SPEG: variants seen among roughly 807,000 people sequenced by gnomAD.
SPEG encodes the protein striated muscle preferentially expressed protein kinase.
SPEG carries 114 observed loss-of-function variants against 300.4 expected under a neutral mutation model. The ratio of observed to expected loss-of-function variants is 0.38; its 90% CI spans 0.33 to 0.44. The LOEUF (loss-of-function observed/expected upper bound fraction) is 0.44. Ranked by LOEUF, SPEG falls within the 20% of genes least tolerant of loss-of-function variation. The pLI is 1.00. For synonymous variants in SPEG, 1,964 were observed against 2,018.9 expected (o/e 0.97, Z 0.73); for missense variants, 4,201 against 4,586.2 (o/e 0.92, Z 2.43).
Position 219,492,644 on chromosome 2 carries a change from C to A in SPEG, c.9662C>A (p.Ala3221Asp). The A allele has an allele frequency of 6.2e-7, 1 of 1,611,446 alleles. No homozygotes were observed. The highest frequency in any genetic ancestry group is 8.5e-7 in the Non-Finnish European group (1 of 1,180,012). ...DCLAHPWLQD[A>D]YLMKLRRQTL... Reference sequence around the variant, plus strand: ...CTGGCCCACCCATGGTTGCAGGACGCCTACCTGATGAAGCTGCGCCGCCAG... The same window carrying A: ...CTGGCCCACCCATGGTTGCAGGACGACTACCTGATGAAGCTGCGCCGCCAG... Residue 3221 changes from alanine (A) to aspartate (D), a missense_variant, in exon 41 of 41, where the codon GCC becomes GAC. By Grantham distance (126) the Ala-to-Asp change is moderately radical (BLOSUM62 -2). This residue lies in a region of SPEG where 318 missense variants were observed against 429.5 expected (regional missense o/e 0.74). Coordinates refer to ENST00000312358, the MANE Select transcript of SPEG (RefSeq NM_005876.5).
chr2:219,472,318 G>C lies in SPEG; in HGVS notation c.3927G>C (p.Leu1309=), dbSNP rs770033598. 1.5e-5 allele frequency: 25 copies of C among 1,613,680 alleles called. No individual in the cohort carries two copies. The South Asian group carries it at 2.4e-4, about 16-fold the overall frequency. ...VTLTWNPPRS[L]DMAIDPDSLT... is the part of the protein sequence containing the mutation. ...TCACATGGAACCCCCCCAGGAGTCT[G>C]GACATGGCCATCGGTGGGTCAGGGC... The change falls in exon 15 of 41, where the codon CTG becomes CTC. Residue 1309 remains leucine, a synonymous_variant. Coordinates refer to ENST00000312358, the MANE Select transcript of SPEG (RefSeq NM_005876.5).
chr2:219,472,822 G>A (rs1206642671), intron 15 of SPEG, 68 bp from the exon 16 acceptor site: 5 of 1,381,528 alleles, frequency 3.6e-6, no homozygotes, highest in African/African-American at 1.4e-5. Flanking sequence ...CCAGGGTCCC[G>A]GGCCAGCTGG....
intron 9 of SPEG, chr2:219,466,513 G>C (rs1317532924): frequency 1.2e-5 from 13 of 1,100,302 alleles, no homozygotes; most frequent in Non-Finnish European, 1.3e-5. Context: ...ATGGCATGGA[G>C]GGGCCCAAGG....
In SPEG at chr2:219,473,245, C is replaced by A. The variant is rs1219311364; in HGVS notation, c.4147+149C>A. ...GGACCTTGGCCCATCTGTACACTTC[C>A]TTCTCCCTCCTGAAAGCAGCAGGGC... On this transcript the variant is annotated intron_variant, in intron 16 of 40. Transcript: ENST00000312358. The surrounding 1 kb of genome is among the most constrained non-coding windows in gnomAD (Gnocchi z 4.6). 3 of 815,498 alleles carry A rather than the reference C, an allele frequency of 3.7e-6. No individual in the cohort carries two copies. Among genetic ancestry groups the A allele is most frequent in the Admixed American group, 5.2e-5 (2 of 38,426 alleles). 50.5% of individuals were successfully genotyped at this position (815,498 alleles called of 1,614,324 possible).
intron 1 of SPEG, among the ~76,000 whole-genome samples, chr2:219,440,683 A>G (rs1253652252): frequency 1.3e-5 from 2 of 152,052 alleles, no homozygotes; most frequent in African/African-American, 2.4e-5. Context: ...CCTCCTGGGC[A>G]TAAGTGATTC....
intron 1 of SPEG, among the ~76,000 whole-genome samples, chr2:219,438,433 G>T (rs959759955): frequency 3.9e-5 from 6 of 152,102 alleles, no homozygotes; most frequent in Non-Finnish European, 8.8e-5. Flanking sequence ...GAGAAGTGTG[G>T]GAAGACTGTC....
At position 219,459,743 on chromosome 2, in the gene SPEG, C is replaced by T. The variant is rs1559381365; in HGVS notation, c.2441-2139C>T. Among the ~76,000 whole-genome samples, 4 of 152,196 alleles carry T rather than the reference C, an allele frequency of 2.6e-5. No homozygotes were observed. Among genetic ancestry groups the T allele is most frequent in the Admixed American group, 6.5e-5 (1 of 15,282 alleles). On this transcript the variant is annotated intron_variant, in intron 6 of 40. Transcript: ENST00000312358. The surrounding 1 kb of genome is among the most constrained non-coding windows in gnomAD (Gnocchi z 4.9). Reference sequence around the variant, plus strand: ...ATAGAGGGGTAGGACCGCCCACCTGCGGAGCCATGCCTGTGATCTCAGCAT... The same window carrying T: ...ATAGAGGGGTAGGACCGCCCACCTGTGGAGCCATGCCTGTGATCTCAGCAT...
chr2:219,464,964 T>C lies in SPEG; in HGVS notation c.2881+356T>C. On this transcript the variant is annotated intron_variant, in intron 9 of 40. Coordinates refer to ENST00000312358, the MANE Select transcript of SPEG (RefSeq NM_005876.5). The surrounding 1 kb of genome is among the most constrained non-coding windows in gnomAD (Gnocchi z 4.5). The stretch of plus-strand genomic sequence containing the variant: ...CTGCTCTGCCCAGGACCCTCCCTCA[T>C]CCCCCTCCCCCTCTCCTCTCGCCCC... 5.1e-6 allele frequency: 1 copy of C among 197,012 alleles called. No homozygotes were observed. The highest frequency in any genetic ancestry group is 1.0e-5 in the Non-Finnish European group (1 of 96,962). 12.2% of individuals were successfully genotyped at this position (197,012 alleles called of 1,614,324 possible).
chr2:219,454,542 C>T (rs1344326077), intron 6 of SPEG, among the ~76,000 whole-genome samples: 3 of 152,234 alleles, frequency 2.0e-5, no homozygotes, highest in Non-Finnish European at 4.4e-5. Context: ...TTCCCAAGCC[C>T]TTTCACGTCT....
chr2:219,444,678 C>A lies in SPEG; in HGVS notation c.414C>A (p.Ile138=). 1 of 1,614,062 alleles carries A rather than the reference C, an allele frequency of 6.2e-7. No individual in the cohort carries two copies. Among genetic ancestry groups the A allele is most frequent in the South Asian group, 1.1e-5 (1 of 91,084 alleles). ...VGDSETAEDD[I]SDVQGTQRLE... ...ACTCAGAGACGGCTGAGGATGACAT[C>A]AGCGATGTGCAGGGAACCCAGCGCC... The change falls in exon 2 of 41, where the codon ATC becomes ATA. Residue 138 remains isoleucine (I), a synonymous_variant. Coordinates refer to ENST00000312358, the MANE Select transcript of SPEG (RefSeq NM_005876.5). The surrounding 1 kb of genome is among the most constrained non-coding windows in gnomAD (Gnocchi z 7.8).
chr2:219,468,296 G>A (rs938508468), intron 10 of SPEG, among the ~76,000 whole-genome samples: 1 of 151,804 alleles, frequency 6.6e-6, no homozygotes, highest in African/African-American at 2.4e-5. Flanking sequence ...TGGGCAGGGT[G>A]AGGGGAGGAG....
chr2:219,473,213 C>A lies in SPEG; in HGVS notation c.4147+117C>A. 9.8e-7 allele frequency: 1 copy of A among 1,023,830 alleles called. No individual in the cohort carries two copies. Among genetic ancestry groups the A allele is most frequent in the Non-Finnish European group, 1.4e-6 (1 of 701,384 alleles). The allele number at this position is 1,023,830 out of a possible 1,614,324, so 63.4% of individuals were successfully genotyped here. A position where few individuals can be genotyped will look rare whatever the true frequency, so the allele number is the denominator to read the frequency against. On this transcript the variant is annotated intron_variant, in intron 16 of 40. Transcript: ENST00000312358. This position sits in a 1 kb window ranked among gnomAD's most constrained non-coding sequence, Gnocchi z 4.6. Reference sequence around the variant, plus strand: ...ATGGTAACTGGCAGGAGCAGCCTAGCCGGGCGGGACCTTGGCCCATCTGTA... The same window carrying A: ...ATGGTAACTGGCAGGAGCAGCCTAGACGGGCGGGACCTTGGCCCATCTGTA...
chr2:219,479,998 G>C lies in SPEG; in HGVS notation c.5200G>C (p.Glu1734Gln). ...GCTGGTGTGGGATGGTGCTGCGGGC[G>C]AGCAGCAGGTGCGGATCTGTGACTT... ...NLLVWDGAAG[E>Q]QQVRICDFGN... Residue 1734 changes from glutamate to glutamine, a missense_variant, in exon 25 of 41, where the codon GAG (glutamate) becomes CAG (glutamine). Coordinates refer to ENST00000312358, the MANE Select transcript of SPEG (RefSeq NM_005876.5). The surrounding 1 kb of genome is among the most constrained non-coding windows in gnomAD (Gnocchi z 5.5). 6.2e-7 allele frequency: 1 copy of C among 1,614,154 alleles called. No individual in the cohort carries two copies. Among genetic ancestry groups the C allele is most frequent in the Non-Finnish European group, 8.5e-7 (1 of 1,180,036 alleles).
In SPEG at chr2:219,451,706, T is replaced by C; in HGVS notation, c.2339T>C (p.Leu780Pro). Residue 780 changes from leucine to proline, a missense_variant, in exon 6 of 41, where the codon CTG (leucine) becomes CCG (proline). Around this residue, in one of 4 missense-constraint regions of SPEG, gnomAD observed 1,258 missense variants for 1,293.9 expected, o/e 0.97. Transcript: ENST00000312358. The surrounding 1 kb of genome is among the most constrained non-coding windows in gnomAD (Gnocchi z 6.4). The stretch of plus-strand genomic sequence containing the variant: ...GCTGAGGGTGAGCGGCACACCCTGC[T>C]GCTCAGGGAGGCCAGGGCAGCAGAT... ...LRAEGERHTL[L>P]LREARAADAG... is the part of the protein sequence containing the mutation. The C allele has an allele frequency of 6.4e-7, 1 of 1,570,876 alleles. No individual in the cohort carries two copies. Among genetic ancestry groups the C allele is most frequent in the South Asian group, 1.2e-5 (1 of 85,288 alleles).
chr2:219,489,462 C>A lies in SPEG; in HGVS notation c.8444C>A (p.Pro2815Gln). The stretch of plus-strand genomic sequence containing the variant: ...CTAGCTCCTGCTGCCCCCACACCCC[C>A]GTCAGTCACTGTCAGCCCCTCATCT... ...PPLAPAAPTP[P>Q]SVTVSPSSPP... is the part of the protein sequence containing the mutation. The change falls in exon 36 of 41, where the codon CCG becomes CAG. Residue 2815 changes from proline (P) to glutamine (Q), a missense_variant. Pro to Gln is a moderately conservative substitution (Grantham distance 76). This residue lies in a region of SPEG where 1,578 missense variants were observed against 1,506.0 expected (regional missense o/e 1.05). Transcript: ENST00000312358. 2 of 1,612,050 alleles carry A rather than the reference C, an allele frequency of 1.2e-6. No individual in the cohort carries two copies. Among genetic ancestry groups the A allele is most frequent in the Non-Finnish European group, 1.7e-6 (2 of 1,178,916 alleles).
Position 219,477,685 on chromosome 2 carries a change from C to T in SPEG, c.4730-4C>T, listed in dbSNP as rs79386296. On this transcript the variant is annotated splice_region_variant and splice_polypyrimidine_tract_variant and intron_variant, in intron 20 of 40. Coordinates refer to ENST00000312358, the MANE Select transcript of SPEG (RefSeq NM_005876.5). This position sits in a 1 kb window ranked among gnomAD's most constrained non-coding sequence, Gnocchi z 6.4. ...CACCTAACACCATGACATCTCTGCC[C>T]CAGCTCAGACAGCTATGGAGGTCGA... The T allele has an allele frequency of 3.8e-3, 5,949 of 1,566,780 alleles. 9 individuals are homozygous for T. The highest frequency in any genetic ancestry group is 8.1e-3 in the African/African-American group (600 of 73,720).
Position 219,473,497 on chromosome 2 carries a change from C to G in SPEG, c.4148-7C>G, listed in dbSNP as rs778670091. The G allele has an allele frequency of 6.2e-7, 1 of 1,613,724 alleles. No homozygotes were observed. Among genetic ancestry groups the G allele is most frequent in the Non-Finnish European group, 8.5e-7 (1 of 1,179,900 alleles). The stretch of plus-strand genomic sequence containing the variant: ...CCAGCACAGAGCCTGCGCTCTCCTC[C>G]TCCCAGGCCCAACCCTGGAGGAGGC... On this transcript the variant is annotated splice_polypyrimidine_tract_variant and splice_region_variant and intron_variant, in intron 16 of 40. Transcript: ENST00000312358. The surrounding 1 kb of genome is among the most constrained non-coding windows in gnomAD (Gnocchi z 4.6).
At position 219,480,831 on chromosome 2, in the gene SPEG, A is replaced by C. The variant is rs1466961105; in HGVS notation, c.5369+134A>C. On this transcript the variant is annotated intron_variant, in intron 26 of 40. Transcript: ENST00000312358. The surrounding 1 kb of genome is among the most constrained non-coding windows in gnomAD (Gnocchi z 5.3). Reference sequence around the variant, plus strand: ...ACTGCAAGGAGCCTCATGTGCATGAAGGTGGACACCCCTGTCTGCATGCCC... The same window carrying C: ...ACTGCAAGGAGCCTCATGTGCATGACGGTGGACACCCCTGTCTGCATGCCC... 1.5e-5 allele frequency: 13 copies of C among 850,220 alleles called. No individual in the cohort carries two copies. The highest frequency in any genetic ancestry group is 3.3e-5 in the African/African-American group (2 of 60,326). The allele number at this position is 850,220 out of a possible 1,614,324, so 52.7% of individuals were successfully genotyped here. A position where few individuals can be genotyped will look rare whatever the true frequency, so the allele number is the denominator to read the frequency against.
At position 219,483,469 on chromosome 2, in the gene SPEG, G is replaced by A. The variant is rs1693059183; in HGVS notation, c.6006G>A (p.Gly2002=). The change falls in exon 30 of 41, where the codon GGG becomes GGA. Residue 2002 remains glycine (G), a synonymous_variant. Transcript: ENST00000312358. ...LPSPGQEPAA[G]ASPRRGELRR... ...CCCCAGGCCAGGAGCCCGCAGCTGGGGCTAGCCCCAGGCGGGGAGAGCTCC... is the reference window on the plus strand; with the variant it reads ...CCCCAGGCCAGGAGCCCGCAGCTGGAGCTAGCCCCAGGCGGGGAGAGCTCC... The A allele has an allele frequency of 6.8e-7, 1 of 1,480,462 alleles. No homozygotes were observed. Among genetic ancestry groups the A allele is most frequent in the South Asian group, 1.3e-5 (1 of 75,338 alleles). The allele number at this position is 1,480,462 out of a possible 1,614,324, so 91.7% of individuals were successfully genotyped here.
Sources: gnomAD v4.1 joint callset for allele counts (sites outside exome capture counted in the v4.1 genomes callset) on GRCh38, gnomAD v4.1.1 for gene constraint, gnomAD v4.1.1 regional missense constraint, Gnocchi (gnomAD v3.1) non-coding constraint, MANE v1.5 for transcripts, NCBI Gene and HGNC (gene_info 2026-07-23, HGNC 2026-07-21) for gene names.